The following FAM47E variants were observed in gnomAD, a reference collection of about 807,000 sequenced individuals.
The protein encoded by FAM47E is family with sequence similarity 47 member E.
In FAM47E, 32 loss-of-function variants were observed where a neutral mutation model predicts 41.6. The observed-to-expected ratio is 0.77, with a 90% confidence interval of 0.58 to 1.03. The LOEUF (loss-of-function observed/expected upper bound fraction) is 1.03. Among genes scored for constraint, FAM47E ranks in the 50% least tolerant of loss-of-function variants. FAM47E has a pLI of 0.00. For missense variants in FAM47E, 424 were observed against 485.4 expected, an observed-to-expected ratio of 0.87 and a Z score of 1.19; for synonymous variants, 184 against 188.7, an observed-to-expected ratio of 0.98 and a Z score of 0.20.
At chr4:76,251,619 G>A (rs951970023), upstream of FAM47E, 6 of 1,345,784 alleles carry the variant, frequency 4.5e-6, no homozygotes, top group African/African-American at 7.7e-5. Flanking sequence ...GCGCAGCGGG[G>A]CGTCAGAGTT....
At chr4:76,265,106 T>A (rs951083173) in intron 3 of FAM47E, among the ~76,000 whole-genome samples, 11 of 152,310 alleles carry the variant, frequency 7.2e-5, no homozygotes, top group African/African-American at 2.6e-4. Flanking sequence ...ATTATATATG[T>A]TTTTTAGGGT....
intron 3 of FAM47E, chr4:76,267,411 C>T (rs555057736): frequency 3.3e-4 from 50 of 152,384 alleles, no homozygotes; most frequent in African/African-American, 1.2e-3. Flanking sequence ...AGCATGAATT[C>T]ACAGAACTGA....
chr4:76,252,204 C>A (rs1468374665), intron 1 of FAM47E, among the ~76,000 whole-genome samples: 1 of 152,132 alleles, frequency 6.6e-6, no homozygotes, highest in Non-Finnish European at 1.5e-5. Context: ...AGCCCTGTAT[C>A]CGATGTTAGG....
At chr4:76,238,796 T>C (rs1238824927) in intron 2 of FAM47E, among the ~76,000 whole-genome samples, 3 of 152,192 alleles carry the variant, frequency 2.0e-5, no homozygotes, top group African/African-American at 7.2e-5. Flanking sequence ...TTAATCATTT[T>C]TAAGTGTACA....
chr4:76,271,691 A>C lies in FAM47E; in HGVS notation c.793A>C (p.Ser265Arg). The part of the protein sequence containing the change: ...LNQVPLELKR[S>R]VGLSKLQETE... ...TCAGGTTCCTCTGGAGCTAAAGCGT[A>C]GTGTGGGGCTCAGTAAACTGCAGGA... Residue 265 changes from serine (S) to arginine (R), a missense_variant, in exon 5 of 8, where the codon AGT becomes CGT. Coordinates refer to ENST00000424749, the MANE Select transcript of FAM47E (RefSeq NM_001136570.3). 6.4e-7 allele frequency: 1 copy of C among 1,551,976 alleles called. No homozygotes were observed. The highest frequency in any genetic ancestry group is 2.4e-5 in the East Asian group (1 of 40,924).
In FAM47E at chr4:76,256,402, T is replaced by C. The variant is rs911098647; in HGVS notation, c.299T>C (p.Val100Ala). ...RQIKLLKEADVLSKLSPAQQA... is the reference protein window; with the variant it reads ...RQIKLLKEADALSKLSPAQQA... ...ATCAAGCTGCTCAAGGAAGCAGACG[T>C]GCTTTCCAAGCTCTCGCCAGCCCAG... is the stretch of plus-strand genomic sequence containing the variant. Residue 100 changes from valine (V) to alanine (A), a missense_variant, in exon 2 of 8, where the codon GTG becomes GCG. Transcript: ENST00000424749. The C allele has an allele frequency of 6.4e-7, 1 of 1,552,238 alleles. No homozygotes were observed. The highest frequency in any genetic ancestry group is 1.2e-5 in the South Asian group (1 of 84,082).
chr4:76,267,577 C>A (rs574402337), intron 3 of FAM47E: 1 of 152,212 alleles, frequency 6.6e-6, no homozygotes, highest in Admixed American at 6.5e-5. Flanking sequence ...AAAGCTTGTT[C>A]ATGAATATCC....
At chr4:76,233,618 A>G (rs36031249) in intron 2 of FAM47E, among the ~76,000 whole-genome samples, 19,642 of 151,864 alleles carry the variant, frequency 0.13, 1,576 homozygotes, top group East Asian at 0.34. Flanking sequence ...GTAACTGACA[A>G]GCATATAACA....
upstream of FAM47E, among the ~76,000 whole-genome samples, chr4:76,250,430 G>A (rs368878845): frequency 2.3e-3 from 352 of 152,144 alleles, no homozygotes; most frequent in African/African-American, 7.8e-3. Flanking sequence ...TTGCTGGCTT[G>A]TTTGAGTTCC....
chr4:76,281,598 C>G (rs541698526), intron 7 of FAM47E: 1 of 151,884 alleles, frequency 6.6e-6, no homozygotes, highest in Non-Finnish European at 1.5e-5. Context: ...ATATATAAAT[C>G]CTTATTTGCC....
At chr4:76,257,329 G>A (rs374924261) in intron 2 of FAM47E, among the ~76,000 whole-genome samples, 6 of 152,270 alleles carry the variant, frequency 3.9e-5, no homozygotes, top group African/African-American at 1.4e-4. Context: ...TAGATTTAAA[G>A]AGAAAAGGTA....
At chr4:76,241,304 C>T (rs1043525052) in intron 2 of FAM47E, among the ~76,000 whole-genome samples, 1 of 152,110 alleles carries the variant, frequency 6.6e-6, no homozygotes, top group Non-Finnish European at 1.5e-5. Flanking sequence ...GAAAAAGGCT[C>T]ATCGTTTAAA....
intron 2 of FAM47E, among the ~76,000 whole-genome samples, chr4:76,243,294 C>T (rs150805959): frequency 9.0e-4 from 137 of 152,280 alleles, no homozygotes; most frequent in African/African-American, 3.2e-3. Context: ...ATAATCTCTG[C>T]TCATGTCTGA....
At chr4:76,218,195 G>A (rs576456615) in intron 2 of FAM47E, among the ~76,000 whole-genome samples, 7 of 152,230 alleles carry the variant, frequency 4.6e-5, no homozygotes, top group East Asian at 3.9e-4. Context: ...TAAAAGTCTT[G>A]GCTTTCTTCT....
rs72858584 is a variant in FAM47E, at chr4:76,243,131, G to A, written c.82-20573G>A. On this transcript the variant is annotated intron_variant, in intron 2 of 7. Transcript: ENST00000510197. ...TAGTCAGTCTGCATCTGGGAAGAGG[G>A]TCCTCACCAGAACCCGACCATGCTG... is the stretch of plus-strand genomic sequence containing the variant. Among the ~76,000 whole-genome samples the A allele has an allele frequency of 9.5e-3, 1,447 of 152,288 alleles. 25 individuals are homozygous for A. Among genetic ancestry groups the A allele is most frequent in the African/African-American group, 0.033 (1,372 of 41,558 alleles).
exon 1 of FAM47E, chr4:76,214,207 G>A (rs571424847): frequency 2.2e-6 from 1 of 454,232 alleles, no homozygotes. Flanking sequence ...TCGCAAGTTA[G>A]CGGGGACACC....
chr4:76,246,153 G>T (rs2109995432), intron 2 of FAM47E, among the ~76,000 whole-genome samples: 1 of 152,242 alleles, frequency 6.6e-6, no homozygotes, highest in Admixed American at 6.5e-5. Flanking sequence ...GGACTATAAT[G>T]GTTGTCAAAA....
At chr4:76,281,734 T>C (rs1735354262) in intron 7 of FAM47E, 1 of 152,130 alleles carries the variant, frequency 6.6e-6, no homozygotes, top group Admixed American at 6.5e-5. Flanking sequence ...TAGTTCAGTT[T>C]TGGGCAAAAG....
intron 2 of FAM47E, among the ~76,000 whole-genome samples, chr4:76,240,190 A>G (rs1054013113): frequency 2.0e-5 from 3 of 152,132 alleles, no homozygotes; most frequent in African/African-American, 4.8e-5. Flanking sequence ...TTCTTAGTTG[A>G]TAGTTTCTTT....
Sources: allele counts gnomAD v4.1 joint callset (sites outside exome capture counted in the v4.1 genomes callset), GRCh38; gene constraint gnomAD v4.1.1; transcripts MANE v1.5; gene names NCBI Gene and HGNC (gene_info 2026-07-23, HGNC 2026-07-21).